The following PID1 variants were observed in gnomAD, a reference collection of about 807,000 sequenced individuals.
PID1 encodes PTB-containing, cubilin and LRP1-interacting protein.
Under a neutral mutation model 19.1 loss-of-function variants are expected in PID1, and 10 were observed. The ratio of observed to expected loss-of-function variants is 0.52; its 90% CI spans 0.32 to 0.89. The LOEUF (loss-of-function observed/expected upper bound fraction) is 0.89. PID1 is among the 40% of genes least tolerant of loss of function. The pLI is 0.03. For synonymous variants in PID1, 130 were observed against 116.0 expected, an observed-to-expected ratio of 1.12 and a Z score of -0.78; for missense variants, 248 against 285.3, an observed-to-expected ratio of 0.87 and a Z score of 0.94.
intron 2 of PID1, among the ~76,000 whole-genome samples, chr2:229,106,307 T>C (rs976572431): frequency 1.3e-5 from 2 of 152,162 alleles, no homozygotes; most frequent in African/African-American, 2.4e-5. Context: ...TGATTACCAC[T>C]TTGAGAGCAG....
chr2:229,255,027 G>C (rs930663562), intron 1 of PID1, among the ~76,000 whole-genome samples: 1 of 152,184 alleles, frequency 6.6e-6, no homozygotes, highest in African/African-American at 2.4e-5. Flanking sequence ...TGTGATTAGA[G>C]TGTGCAATAT....
chr2:229,266,047 T>C (rs536622612), intron 1 of PID1, among the ~76,000 whole-genome samples: 14 of 152,320 alleles, frequency 9.2e-5, no homozygotes, highest in African/African-American at 2.4e-4. Flanking sequence ...TAAGATAGCA[T>C]TTTATTCCTG....
chr2:229,211,719 A>G (rs541378520), intron 1 of PID1, among the ~76,000 whole-genome samples: 2 of 152,294 alleles, frequency 1.3e-5, no homozygotes, highest in African/African-American at 4.8e-5. Flanking sequence ...CCTTCCCACT[A>G]TTGCCAGACT....
At chr2:229,102,168 G>A (rs986230619) in intron 2 of PID1, among the ~76,000 whole-genome samples, 1 of 152,046 alleles carries the variant, frequency 6.6e-6, no homozygotes. Context: ...CTAACACCTG[G>A]ACTTCAGTTC....
At chr2:229,141,528 C>A (rs1444025704) in intron 2 of PID1, among the ~76,000 whole-genome samples, 3 of 151,934 alleles carry the variant, frequency 2.0e-5, no homozygotes, top group Non-Finnish European at 4.4e-5. Flanking sequence ...TGGATGGCAC[C>A]ACTCCTGCTC....
intron 1 of PID1, among the ~76,000 whole-genome samples, chr2:229,239,971 T>A (rs1461154457): frequency 6.6e-6 from 1 of 152,110 alleles, no homozygotes; most frequent in Non-Finnish European, 1.5e-5. Context: ...AGGTGGGAGT[T>A]CTATTTTCAT....
At chr2:229,242,944 C>G (rs1008599303) in intron 1 of PID1, among the ~76,000 whole-genome samples, 2 of 152,156 alleles carry the variant, frequency 1.3e-5, no homozygotes, top group Admixed American at 6.6e-5. Flanking sequence ...GAAGATTCTT[C>G]CCTATGCCTA....
At chr2:229,109,997 C>A (rs1054762310) in intron 2 of PID1, among the ~76,000 whole-genome samples, 1 of 152,160 alleles carries the variant, frequency 6.6e-6, no homozygotes, top group African/African-American at 2.4e-5. Context: ...AGTCACTCTA[C>A]CTGTTTCTGT....
intron 1 of PID1, among the ~76,000 whole-genome samples, chr2:229,233,585 G>A (rs569023031): frequency 4.6e-5 from 7 of 151,304 alleles, no homozygotes; most frequent in East Asian, 3.9e-4. Flanking sequence ...TCCACCTCCC[G>A]GGTTCAAGCG....
At chr2:229,106,731 T>C (rs1476038602) in intron 2 of PID1, among the ~76,000 whole-genome samples, 1 of 152,228 alleles carries the variant, frequency 6.6e-6, no homozygotes, top group Non-Finnish European at 1.5e-5. Flanking sequence ...AAGAAATGCA[T>C]TTCTGTTGTT....
At chr2:229,199,743 T>C (rs1468324092) in intron 1 of PID1, among the ~76,000 whole-genome samples, 9 of 132,364 alleles carry the variant, frequency 6.8e-5, no homozygotes, top group African/African-American at 1.4e-4. Context: ...TATATATATA[T>C]ATACACATAC....
chr2:229,133,012 G>T (rs771937203), intron 2 of PID1, among the ~76,000 whole-genome samples: 7 of 152,124 alleles, frequency 4.6e-5, no homozygotes, highest in Non-Finnish European at 8.8e-5. Context: ...ATTAGGAAAT[G>T]GTGCATTTCA....
chr2:229,195,503 C>T (rs1229216055), intron 1 of PID1, among the ~76,000 whole-genome samples: 1 of 151,506 alleles, frequency 6.6e-6, no homozygotes, highest in African/African-American at 2.4e-5. Context: ...TCATTTTTTC[C>T]TTAAACACTA....
chr2:229,062,074 GT>G (rs141857778), intron 2 of PID1, among the ~76,000 whole-genome samples: 10,604 of 151,794 alleles, frequency 0.07, 1,240 homozygotes, highest in African/African-American at 0.24. Context: ...CTATTTCAAT[GT>G]TTTTAATATA....
chr2:229,070,829 C>G (rs1041545777), intron 2 of PID1, among the ~76,000 whole-genome samples: 2 of 152,098 alleles, frequency 1.3e-5, no homozygotes, highest in African/African-American at 4.8e-5. Context: ...GGAAAAAGCA[C>G]CAGGGCTTTC....
chr2:229,057,790 T>C (rs916255429), intron 2 of PID1, among the ~76,000 whole-genome samples: 4 of 152,166 alleles, frequency 2.6e-5, no homozygotes, highest in Non-Finnish European at 5.9e-5. Flanking sequence ...TGAGATTACA[T>C]ACCTATGAAT....
intron 2 of PID1, among the ~76,000 whole-genome samples, chr2:229,089,797 C>G (rs1204240512): frequency 6.6e-6 from 1 of 152,074 alleles, no homozygotes; most frequent in Non-Finnish European, 1.5e-5. Flanking sequence ...TTCTGTTTCA[C>G]CAGCTGGAAA....
At chr2:229,175,895 GA>G in intron 1 of PID1, among the ~76,000 whole-genome samples, 1 of 152,160 alleles carries the variant, frequency 6.6e-6, no homozygotes, top group African/African-American at 2.4e-5. Context: ...GCAGTTACTA[GA>G]AAAGGTTTTT....
chr2:229,097,995 CTT>C (rs1160586600), intron 2 of PID1, among the ~76,000 whole-genome samples: 1 of 152,194 alleles, frequency 6.6e-6, no homozygotes, highest in East Asian at 1.9e-4. Flanking sequence ...TCTTAGGTCT[CTT>C]AACACAGGCA....
Sources: gnomAD v4.1 joint callset for allele counts (sites outside exome capture counted in the v4.1 genomes callset) on GRCh38, gnomAD v4.1.1 for gene constraint, MANE v1.5 for transcripts, NCBI Gene and HGNC (gene_info 2026-07-23, HGNC 2026-07-21) for gene names.